The following GLDN variants were observed in gnomAD, a reference collection of about 807,000 sequenced individuals.
The protein encoded by GLDN is collomin.
Under a neutral mutation model 56.5 loss-of-function variants are expected in GLDN, and 47 were observed. The ratio of observed to expected loss-of-function variants is 0.83; its 90% CI spans 0.66 to 1.06. The LOEUF (loss-of-function observed/expected upper bound fraction) is 1.06. GLDN is among the 50% of genes least tolerant of loss of function. The pLI is 0.00. For synonymous variants in GLDN, 332 were observed against 278.8 expected (o/e 1.19, Z -1.90); for missense variants, 782 against 714.3 (o/e 1.09, Z -1.08).
chr15:51,373,894 A>G (rs545790561), intron 1 of GLDN, among the ~76,000 whole-genome samples: 26 of 152,216 alleles, frequency 1.7e-4, no homozygotes, highest in Non-Finnish European at 3.5e-4. Flanking sequence ...TAATTTGACC[A>G]TCTAGATTTT....
intron 1 of GLDN, among the ~76,000 whole-genome samples, chr15:51,376,173 G>A (rs189304622): frequency 2.1e-4 from 32 of 152,234 alleles, no homozygotes; most frequent in Admixed American, 1.8e-3. Flanking sequence ...AAACATCATG[G>A]TGTGTACTTG....
intron 5 of GLDN, among the ~76,000 whole-genome samples, chr15:51,396,189 G>A (rs1400870211): frequency 6.6e-6 from 1 of 152,298 alleles, no homozygotes; most frequent in Non-Finnish European, 1.5e-5. Context: ...CTAATTGCCT[G>A]CACGGCCCCT....
chr15:51,361,883 A>G (rs1471277730), intron 1 of GLDN, among the ~76,000 whole-genome samples: 2 of 152,176 alleles, frequency 1.3e-5, no homozygotes. Flanking sequence ...GTGAGCCAAG[A>G]TCATGCCACT....
chr15:51,348,109 TG>T (rs2037010127), intron 1 of GLDN, among the ~76,000 whole-genome samples: 1 of 152,136 alleles, frequency 6.6e-6, no homozygotes, highest in South Asian at 2.1e-4. Flanking sequence ...CTCTTCTTTA[TG>T]GGAGTAAAAA....
intron 2 of GLDN, among the ~76,000 whole-genome samples, chr15:51,379,748 T>C (rs1357327014): frequency 3.3e-5 from 5 of 152,150 alleles, no homozygotes; most frequent in Non-Finnish European, 7.4e-5. Context: ...TCGATTCTGG[T>C]TAGGAGTGTG....
intron 4 of GLDN, among the ~76,000 whole-genome samples, chr15:51,386,388 G>A (rs564640270): frequency 6.6e-6 from 1 of 152,294 alleles, no homozygotes; most frequent in Admixed American, 6.5e-5. Flanking sequence ...TGTTCACACT[G>A]CTGAGGCCCC....
intron 1 of GLDN, among the ~76,000 whole-genome samples, chr15:51,362,728 T>C (rs1201565229): frequency 6.6e-6 from 1 of 152,078 alleles, no homozygotes; most frequent in Admixed American, 6.6e-5. Context: ...AGAATAGACT[T>C]TGTGGGTGGG....
intron 2 of GLDN, among the ~76,000 whole-genome samples, chr15:51,382,726 C>CA (rs576743825): frequency 0.049 from 4,075 of 82,528 alleles, 220 homozygotes; most frequent in African/African-American, 0.17. Flanking sequence ...ACTCTGTCTC[C>CA]AAAAAAAAAA....
chr15:51,374,484 C>T (rs1269589998), intron 1 of GLDN, among the ~76,000 whole-genome samples: 3 of 152,116 alleles, frequency 2.0e-5, no homozygotes, highest in Non-Finnish European at 4.4e-5. Context: ...AATCAGGAAA[C>T]CTGGAGTTCA....
intron 2 of GLDN, among the ~76,000 whole-genome samples, chr15:51,381,046 C>T (rs2037747056): frequency 6.6e-6 from 1 of 152,194 alleles, no homozygotes; most frequent in Non-Finnish European, 1.5e-5. Context: ...ATTTACTAGG[C>T]ATTGCAGGCG....
chr15:51,355,627 G>A (rs1412150360), intron 1 of GLDN, among the ~76,000 whole-genome samples: 6 of 149,970 alleles, frequency 4.0e-5, no homozygotes, highest in Admixed American at 3.3e-4. Flanking sequence ...GGGTTCAAGC[G>A]ATTCTCCTGC....
chr15:51,342,181 C>T, intron 1 of GLDN, 134 bp downstream of exon 1: 2 of 1,134,778 alleles, frequency 1.8e-6, no homozygotes, highest in Non-Finnish European at 1.3e-6. Context: ...GCATGAGTAG[C>T]TGGGGATGTC....
In GLDN at chr15:51,404,666, A is replaced by G; in HGVS notation, c.1568A>G (p.Asn523Ser). 6.2e-7 allele frequency: 1 copy of G among 1,613,482 alleles called. No homozygotes were observed. Among genetic ancestry groups the G allele is most frequent in the Non-Finnish European group, 8.5e-7 (1 of 1,179,358 alleles). Residue 523 changes from asparagine to serine, a missense_variant, in exon 10 of 10, where the codon AAC becomes AGC. Transcript: ENST00000335449. ...TCTGTTCTTGCCATGTTAGCATACA[A>G]CATGAGAGATCAGCATTTATATTCA... is the stretch of plus-strand genomic sequence containing the variant. ...SQSVLAMLAY[N>S]MRDQHLYSWE...
chr15:51,365,230 AT>A (rs1211612341), intron 1 of GLDN, among the ~76,000 whole-genome samples: 1 of 152,216 alleles, frequency 6.6e-6, no homozygotes, highest in African/African-American at 2.4e-5. Flanking sequence ...TTTTTAAAAA[AT>A]ATGTTCATTT....
In GLDN at chr15:51,355,592, C is replaced by T. The variant is rs182925321; in HGVS notation, c.363+13545C>T. Among the ~76,000 whole-genome samples, 385 of 143,212 alleles carry T rather than the reference C, an allele frequency of 2.7e-3. 5 individuals are homozygous for T. Among genetic ancestry groups the T allele is most frequent in the Admixed American group, 0.015 (211 of 13,912 alleles). The allele number at this position is 143,212 out of a possible 152,430, so 94.0% of individuals were successfully genotyped here. A position where few individuals can be genotyped will look rare whatever the true frequency, so the allele number is the denominator to read the frequency against. On this transcript the variant is annotated intron_variant, in intron 1 of 9. Coordinates refer to ENST00000335449, the MANE Select transcript of GLDN (RefSeq NM_181789.4). ...AGGCTGGAGTCCAGTGGCATGATTTCGGCTCACTTTAACCTCCGCCTCCTG... is the reference window on the plus strand; with the variant it reads ...AGGCTGGAGTCCAGTGGCATGATTTTGGCTCACTTTAACCTCCGCCTCCTG...
rs2038220312 is a variant in GLDN at position 51,400,274 on chromosome 15, A to G, written c.900A>G (p.Ala300=). The part of the protein sequence containing the change: ...EKASEHHSPQ[A]ESMITSIGNP... The stretch of plus-strand genomic sequence containing the variant: ...CCAGTGAACACCATTCCCCACAAGC[A>G]GGTATAGAAACAAAGCGTCCTGTCT... The change falls in exon 7 of 10, where the codon GCA becomes GCG. Residue 300 remains alanine, a splice_region_variant and synonymous_variant. Coordinates refer to ENST00000335449, the MANE Select transcript of GLDN (RefSeq NM_181789.4). The G allele has an allele frequency of 6.2e-7, 1 of 1,614,102 alleles. No homozygotes were observed. Among genetic ancestry groups the G allele is most frequent in the Non-Finnish European group, 8.5e-7 (1 of 1,180,014 alleles).
rs550296251 is a variant in GLDN at position 51,394,899 on chromosome 15, C to T, written c.606C>T (p.Gly202=). Reference sequence around the variant, plus strand: ...AAAAGGGAGACCATGGTGAACTGGGCCTGCAGGGAAATGAGGGCCCACCAG... The same window carrying T: ...AAAAGGGAGACCATGGTGAACTGGGTCTGCAGGGAAATGAGGGCCCACCAG... The part of the protein sequence containing the change: ...RGEKGDHGEL[G]LQGNEGPPGQ... The change falls in exon 5 of 10, where the codon GGC becomes GGT. Residue 202 remains glycine (G), a synonymous_variant. Coordinates refer to ENST00000335449, the MANE Select transcript of GLDN (RefSeq NM_181789.4). 67 of 1,613,268 alleles carry T rather than the reference C, an allele frequency of 4.2e-5. 1 individual carries two copies. The South Asian group carries it at 6.8e-4, about 16-fold the overall frequency.
At chr15:51,379,752 G>A (rs540702828) in intron 2 of GLDN, among the ~76,000 whole-genome samples, 2 of 152,322 alleles carry the variant, frequency 1.3e-5, no homozygotes, top group Admixed American at 1.3e-4. Flanking sequence ...TTCTGGTTAG[G>A]AGTGTGGGAT....
intron 1 of GLDN, among the ~76,000 whole-genome samples, chr15:51,346,847 C>T (rs977131828): frequency 5.9e-5 from 9 of 152,196 alleles, no homozygotes; most frequent in Admixed American, 5.9e-4. Context: ...AGGTGCATAA[C>T]CTGAGATCAG....
Sources: allele counts gnomAD v4.1 joint callset (sites outside exome capture counted in the v4.1 genomes callset), GRCh38; gene constraint gnomAD v4.1.1; transcripts MANE v1.5; gene names NCBI Gene and HGNC (gene_info 2026-07-23, HGNC 2026-07-21).